Variants in NEK11 observed in about 807,000 individuals in gnomAD.
NEK11 encodes serine/threonine-protein kinase Nek11.
In NEK11, 72 loss-of-function variants were observed where a neutral mutation model predicts 80.7. The ratio of observed to expected loss-of-function variants is 0.89; its 90% CI spans 0.74 to 1.08. NEK11 has a LOEUF of 1.08. NEK11 is among the 50% of genes least tolerant of loss of function. The pLI, the probability that NEK11 is intolerant of heterozygous loss-of-function variation, is 0.00. For synonymous variants in NEK11, 251 were observed against 260.7 expected, an observed-to-expected ratio of 0.96 and a Z score of 0.36; for missense variants, 764 against 763.6, an observed-to-expected ratio of 1.00 and a Z score of -0.01.
chr3:131,304,019 T>G (rs2096694258), intron 17 of NEK11, among the ~76,000 whole-genome samples: 1 of 152,200 alleles, frequency 6.6e-6, no homozygotes. Context: ...TTTACATAAT[T>G]CTTGCTTTCT....
At chr3:131,126,925 C>G (rs1272323442) in intron 5 of NEK11, among the ~76,000 whole-genome samples, 1 of 149,416 alleles carries the variant, frequency 6.7e-6, no homozygotes, top group Non-Finnish European at 1.5e-5. Flanking sequence ...GTCTCTTATA[C>G]TCTTTTCTAT....
At chr3:131,242,890 G>A (rs749529288) in intron 15 of NEK11, among the ~76,000 whole-genome samples, 46 of 152,146 alleles carry the variant, frequency 3.0e-4, no homozygotes, top group Non-Finnish European at 5.7e-4. Context: ...TTCCCCAACC[G>A]TTATGGGGGA....
chr3:131,052,818 A>G (rs2068666210), intron 3 of NEK11, among the ~76,000 whole-genome samples: 1 of 152,184 alleles, frequency 6.6e-6, no homozygotes, highest in Non-Finnish European at 1.5e-5. Context: ...GAAAAATATT[A>G]ATAGGTGGTT....
chr3:131,127,051 C>T (rs372832513), intron 5 of NEK11, among the ~76,000 whole-genome samples: 20 of 150,108 alleles, frequency 1.3e-4, no homozygotes, highest in South Asian at 8.4e-4. Flanking sequence ...CTGCAACCTC[C>T]GCCTCCCATG....
intron 5 of NEK11, among the ~76,000 whole-genome samples, chr3:131,131,735 C>T (rs1261036494): frequency 6.6e-6 from 1 of 151,780 alleles, no homozygotes; most frequent in African/African-American, 2.4e-5. Context: ...TGTAATATTT[C>T]TCCTTACTTT....
chr3:131,109,616 G>A (rs1320639950), intron 4 of NEK11, 187 bp from the exon 5 acceptor site: 1 of 555,596 alleles, frequency 1.8e-6, no homozygotes, highest in South Asian at 2.8e-5. Context: ...TAATGTTGAG[G>A]CCGAGCTGAG....
intron 7 of NEK11, among the ~76,000 whole-genome samples, chr3:131,136,190 T>A (rs1578886884): frequency 6.6e-6 from 1 of 152,190 alleles, no homozygotes; most frequent in Non-Finnish European, 1.5e-5. Flanking sequence ...TTCATCATCA[T>A]CCTGACCCTA....
At chr3:131,219,252 A>T (rs2094940140) in intron 14 of NEK11, among the ~76,000 whole-genome samples, 1 of 152,234 alleles carries the variant, frequency 6.6e-6, no homozygotes, top group Non-Finnish European at 1.5e-5. Flanking sequence ...AGGGACATGG[A>T]TGAAGCTAGA....
chr3:131,071,602 T>A (rs1273702797), intron 3 of NEK11, among the ~76,000 whole-genome samples: 1 of 151,976 alleles, frequency 6.6e-6, no homozygotes, highest in Non-Finnish European at 1.5e-5. Flanking sequence ...TTTAAATAAC[T>A]TAAAAAATTT....
At chr3:131,174,724 A>G (rs2092907338) in intron 14 of NEK11, 4 of 1,586,414 alleles carry the variant, frequency 2.5e-6, no homozygotes, top group Non-Finnish European at 3.4e-6. Flanking sequence ...TTTGCCAGGA[A>G]CTTCTTTGTA....
intron 3 of NEK11, among the ~76,000 whole-genome samples, chr3:131,063,787 T>C (rs2071361225): frequency 6.6e-6 from 1 of 152,146 alleles, no homozygotes; most frequent in Admixed American, 6.6e-5. Flanking sequence ...TTACTACAAG[T>C]GTAAAATTAC....
chr3:131,160,183 G>T (rs957484057), intron 10 of NEK11, among the ~76,000 whole-genome samples: 2 of 152,162 alleles, frequency 1.3e-5, no homozygotes, highest in South Asian at 4.1e-4. Flanking sequence ...TGGAGAGAAA[G>T]GTCAGGTCAC....
At chr3:131,060,696 T>C (rs1275968009) in intron 3 of NEK11, among the ~76,000 whole-genome samples, 1 of 152,200 alleles carries the variant, frequency 6.6e-6, no homozygotes, top group Non-Finnish European at 1.5e-5. Flanking sequence ...GTAAACAGTA[T>C]CACATGTGAC....
At chr3:131,214,288 A>T (rs933413367) in intron 14 of NEK11, among the ~76,000 whole-genome samples, 1 of 152,176 alleles carries the variant, frequency 6.6e-6, no homozygotes, top group Non-Finnish European at 1.5e-5. Flanking sequence ...AAGGTTGGTG[A>T]GTTATCACCA....
chr3:131,122,196 C>T (rs1436092598), intron 5 of NEK11, among the ~76,000 whole-genome samples: 1 of 152,144 alleles, frequency 6.6e-6, no homozygotes, highest in East Asian at 1.9e-4. Flanking sequence ...AAGAGCCATA[C>T]TTGGAAATCT....
intron 17 of NEK11, among the ~76,000 whole-genome samples, chr3:131,298,688 A>AGGTGGT (rs1019957752): frequency 8.7e-5 from 13 of 149,948 alleles, no homozygotes; most frequent in African/African-American, 2.7e-4. Flanking sequence ...TAATATGCCT[A>AGGTGGT]GGTGGTGGTG....
chr3:131,174,188 A>G lies in NEK11; in HGVS notation c.1399+3301A>G, dbSNP rs138997587. On this transcript the variant is annotated intron_variant, in intron 14 of 17. Transcript: ENST00000383366. ...GAACCTAAAATAAAAGTAAAAAAAGAAGAAAAAAAGAAAATGCAACCTTTG... is the reference window on the plus strand; with the variant it reads ...GAACCTAAAATAAAAGTAAAAAAAGGAGAAAAAAAGAAAATGCAACCTTTG... Among the ~76,000 whole-genome samples the G allele has an allele frequency of 2.2e-4, 33 of 152,334 alleles. No homozygotes were observed. In the East Asian group the frequency reaches 6.2e-3, roughly 28 times the overall value.
intron 17 of NEK11, among the ~76,000 whole-genome samples, chr3:131,293,203 G>T (rs78078391): frequency 0.011 from 1,632 of 152,200 alleles, 24 homozygotes; most frequent in East Asian, 0.084. Context: ...TCACCCTTAA[G>T]TATGATGTTA....
intron 17 of NEK11, among the ~76,000 whole-genome samples, chr3:131,341,761 G>A (rs1216060315): frequency 6.6e-6 from 1 of 151,906 alleles, no homozygotes; most frequent in Non-Finnish European, 1.5e-5. Context: ...CTCTAATAAT[G>A]CTTTTTTAAC....
Sources: allele counts gnomAD v4.1 joint callset (sites outside exome capture counted in the v4.1 genomes callset), GRCh38; gene constraint gnomAD v4.1.1; transcripts MANE v1.5; gene names NCBI Gene and HGNC (gene_info 2026-07-23, HGNC 2026-07-21).